The following TBXAS1 variants were observed in gnomAD, a reference collection of about 807,000 sequenced individuals.
The protein encoded by TBXAS1 is thromboxane A synthase 1, also known as thromboxane-A synthase.
Under a neutral mutation model 60.7 loss-of-function variants are expected in TBXAS1, and 48 were observed. The ratio of observed to expected loss-of-function variants is 0.79; its 90% CI spans 0.63 to 1.01. The LOEUF is 1.01. TBXAS1 is among the 50% of genes least tolerant of loss of function. The pLI is 0.00. For synonymous variants in TBXAS1, 287 were observed against 269.7 expected (o/e 1.06, Z -0.63); for missense variants, 685 against 686.3 (o/e 1.00, Z 0.02).
chr7:139,961,809 T>G, intron 8 of TBXAS1, 110 bp from the exon 9 acceptor site: 24 of 1,342,520 alleles, frequency 1.8e-5, no homozygotes, highest in Non-Finnish European at 2.4e-5. Flanking sequence ...TTGTTGCTAC[T>G]GAGCTCTTCA....
At chr7:139,886,433 C>CT (rs1165905874) in intron 3 of TBXAS1, among the ~76,000 whole-genome samples, 1 of 144,514 alleles carries the variant, frequency 6.9e-6, no homozygotes, top group African/African-American at 2.6e-5. Flanking sequence ...AAAGAGGAAC[C>CT]TATTAACCTT....
At chr7:139,786,999 C>T (rs1797221128) in intron 3 of TBXAS1, among the ~76,000 whole-genome samples, 1 of 152,206 alleles carries the variant, frequency 6.6e-6, no homozygotes, top group Admixed American at 6.5e-5. Flanking sequence ...TTTATGAAGA[C>T]ACCTTTAGCA....
chr7:140,015,894 G>A (rs376024621), intron 11 of TBXAS1, 34 bp downstream of exon 11: 13 of 1,612,524 alleles, frequency 8.1e-6, no homozygotes, highest in Non-Finnish European at 1.1e-5. Flanking sequence ...GCTCTGAAGG[G>A]ATGTGAGTGT....
intron 8 of TBXAS1, among the ~76,000 whole-genome samples, chr7:139,961,501 A>C (rs1302068498): frequency 6.6e-6 from 1 of 152,212 alleles, no homozygotes; most frequent in Non-Finnish European, 1.5e-5. Context: ...GGGTGGGGAC[A>C]TTGCTAAAAT....
intron 4 of TBXAS1, among the ~76,000 whole-genome samples, chr7:139,810,151 C>G (rs1039135629): frequency 1.4e-4 from 21 of 152,028 alleles, no homozygotes; most frequent in African/African-American, 5.1e-4. Context: ...ATTCTCCAAC[C>G]TCAGCCTCCC....
At chr7:139,902,550 A>T (rs1477458631) in intron 3 of TBXAS1, among the ~76,000 whole-genome samples, 1 of 152,128 alleles carries the variant, frequency 6.6e-6, no homozygotes, top group Non-Finnish European at 1.5e-5. Context: ...GTTTTTGCCT[A>T]TTACAAACAA....
intron 9 of TBXAS1, among the ~76,000 whole-genome samples, chr7:139,977,083 T>C (rs1395172380): frequency 2.0e-5 from 3 of 152,236 alleles, no homozygotes; most frequent in Admixed American, 1.3e-4. Flanking sequence ...GACAAGCCTG[T>C]TTGAAATCAT....
At chr7:139,915,333 C>T (rs1005808244) in intron 4 of TBXAS1, among the ~76,000 whole-genome samples, 7 of 152,216 alleles carry the variant, frequency 4.6e-5, no homozygotes, top group African/African-American at 1.7e-4. Flanking sequence ...CACCACGTTG[C>T]CTTCCCTCTA....
intron 8 of TBXAS1, among the ~76,000 whole-genome samples, chr7:139,961,604 C>T (rs1429327012): frequency 1.3e-5 from 2 of 152,186 alleles, no homozygotes; most frequent in Non-Finnish European, 2.9e-5. Context: ...GTTCCATGAC[C>T]GGCTTTGTTT....
upstream of TBXAS1, among the ~76,000 whole-genome samples, chr7:139,826,991 C>A (rs939994577): frequency 6.6e-6 from 1 of 151,994 alleles, no homozygotes; most frequent in African/African-American, 2.4e-5. Context: ...CAGGTGTGGT[C>A]CTCCTTTCCC....
rs1319659853 is a variant in TBXAS1, at chr7:139,890,198, G to T, written c.236+14561G>T. ...CGACAATCTCCAAGTGAGAAATTTA[G>T]GATGCAGTCTTTTTTTTTTTTTTTT... On this transcript the variant is annotated intron_variant, in intron 3 of 12. Transcript: ENST00000448866. 3.4e-5 allele frequency among the ~76,000 whole-genome samples: 5 copies of T among 146,092 alleles called. No individual in the cohort carries two copies. In the South Asian group the frequency reaches 1.1e-3, roughly 32 times the overall value.
chr7:139,803,922 A>G lies in TBXAS1; in HGVS notation c.-80+16496A>G, dbSNP rs1797780034. Among the ~76,000 whole-genome samples, 6 of 152,368 alleles carry G rather than the reference A, an allele frequency of 3.9e-5. No individual in the cohort carries two copies. In the South Asian group the frequency reaches 1.2e-3, roughly 32 times the overall value. Reference sequence around the variant, plus strand: ...AGTTTGCTGCAGGAGCAGAGCTCTCATGGAGAACCTCTGCTAGGGCAGTGC... The same window carrying G: ...AGTTTGCTGCAGGAGCAGAGCTCTCGTGGAGAACCTCTGCTAGGGCAGTGC... On this transcript the variant is annotated intron_variant, in intron 4 of 16. Coordinates refer to the TBXAS1 transcript ENST00000336425.
chr7:140,017,722 CG>C lies in TBXAS1; in HGVS notation c.1420del (p.Ala474ProfsTer11), dbSNP rs794727053. ...ACCGGCCCTTCACGTACCTGCCCTTCGGGGCCGGCCCACGGAGCTGCCTCGG... is the reference window on the plus strand; with the variant it reads ...ACCGGCCCTTCACGTACCTGCCCTTCGGGCCGGCCCACGGAGCTGCCTCGG... ...QHRPFTYLPF[G>X]AGPRSCLGVR... On this transcript the variant is annotated frameshift_variant, in exon 12 of 13. Coordinates refer to ENST00000448866, the MANE Select transcript of TBXAS1 (RefSeq NM_001061.7). LOFTEE classifies it high-confidence loss of function. The C allele has an allele frequency of 1.6e-5, 26 of 1,614,008 alleles. No homozygotes were observed. In the Admixed American group the frequency reaches 2.3e-4, roughly 14 times the overall value.
At chr7:139,861,873 T>C (rs889792706) in intron 1 of TBXAS1, among the ~76,000 whole-genome samples, 2 of 152,210 alleles carry the variant, frequency 1.3e-5, no homozygotes, top group Non-Finnish European at 2.9e-5. Context: ...GTTTCTTGCC[T>C]CCTTGGTTCA....
intron 1 of TBXAS1, among the ~76,000 whole-genome samples, chr7:139,840,851 C>T (rs1481114887): frequency 6.6e-6 from 1 of 152,178 alleles, no homozygotes; most frequent in African/African-American, 2.4e-5. Context: ...CCTCGGAGGT[C>T]GTGAGTGTCC....
At chr7:139,893,325 G>GACACACACACACACACAC (rs71170920) in intron 3 of TBXAS1, among the ~76,000 whole-genome samples, 237 of 139,970 alleles carry the variant, frequency 1.7e-3, no homozygotes, top group African/African-American at 2.8e-3. Context: ...CTATGGAATA[G>GACACACACACACACACAC]ACACACACAC....
chr7:139,984,879 AAAAG>A (rs1277646499), intron 9 of TBXAS1, among the ~76,000 whole-genome samples: 4 of 149,308 alleles, frequency 2.7e-5, no homozygotes, highest in African/African-American at 4.9e-5. Context: ...AGAAAGAAAG[AAAAG>A]AAAGAAAGCA....
intron 4 of TBXAS1, among the ~76,000 whole-genome samples, chr7:139,821,596 G>C (rs1798298517): frequency 1.3e-5 from 2 of 152,170 alleles, no homozygotes; most frequent in Non-Finnish European, 2.9e-5. Context: ...CTTATCACAG[G>C]CAGGGGAAAC....
Position 139,999,895 on chromosome 7 carries a change from A to G in TBXAS1, c.1135-7196A>G, listed in dbSNP as rs776444482. On this transcript the variant is annotated intron_variant, in intron 9 of 12. Coordinates refer to ENST00000448866, the MANE Select transcript of TBXAS1 (RefSeq NM_001061.7). The surrounding 1 kb of genome is among the most constrained non-coding windows in gnomAD (Gnocchi z 4.3). ...TTTCCTTTAACAACATAGAAAAATGATAATTTTTCTATTAGGTCCGTGAAT... is the reference window on the plus strand; with the variant it reads ...TTTCCTTTAACAACATAGAAAAATGGTAATTTTTCTATTAGGTCCGTGAAT... Among the ~76,000 whole-genome samples the G allele has an allele frequency of 5.9e-5, 9 of 152,226 alleles. No homozygotes were observed. Among genetic ancestry groups the G allele is most frequent in the Non-Finnish European group, 1.0e-4 (7 of 68,042 alleles).
Sources: allele counts gnomAD v4.1 joint callset (sites outside exome capture counted in the v4.1 genomes callset), GRCh38; gene constraint gnomAD v4.1.1; non-coding constraint Gnocchi (gnomAD v3.1); transcripts MANE v1.5; gene names NCBI Gene and HGNC (gene_info 2026-07-23, HGNC 2026-07-21).